NEK11: variants seen among roughly 807,000 people sequenced by gnomAD.
NEK11 encodes serine/threonine-protein kinase Nek11.
Under a neutral mutation model 80.7 loss-of-function variants are expected in NEK11, and 72 were observed. The observed-to-expected ratio is 0.89, with a 90% CI of 0.74 to 1.08. The LOEUF (loss-of-function observed/expected upper bound fraction) is 1.08, where lower values mean the gene tolerates loss of function less well. Ranked by LOEUF, NEK11 falls within the 50% of genes least tolerant of loss-of-function variation. The pLI, the probability that NEK11 is intolerant of heterozygous loss-of-function variation, is 0.00. For missense variants in NEK11, 764 were observed against 763.6 expected, an observed-to-expected ratio of 1.00 and a Z score of -0.01; for synonymous variants, 251 against 260.7, an observed-to-expected ratio of 0.96 and a Z score of 0.36.
chr3:131,077,995 C>CA (rs760464528), intron 3 of NEK11, among the ~76,000 whole-genome samples: 42 of 152,320 alleles, frequency 2.8e-4, no homozygotes, highest in Non-Finnish European at 4.4e-4. Flanking sequence ...GGAAGGAAGA[C>CA]AAGTGTTCCA....
At chr3:131,131,132 C>G (rs941343262) in intron 5 of NEK11, among the ~76,000 whole-genome samples, 2 of 152,184 alleles carry the variant, frequency 1.3e-5, no homozygotes, top group African/African-American at 2.4e-5. Flanking sequence ...GCTAATATTT[C>G]AGTGAGGATT....
chr3:131,243,959 G>A (rs1227420944), intron 16 of NEK11, among the ~76,000 whole-genome samples: 1 of 151,908 alleles, frequency 6.6e-6, no homozygotes, highest in Non-Finnish European at 1.5e-5. Flanking sequence ...AAATAGGATT[G>A]CTATGCTTCA....
chr3:131,273,922 T>C (rs1205628648), intron 17 of NEK11, among the ~76,000 whole-genome samples: 1 of 152,102 alleles, frequency 6.6e-6, no homozygotes, highest in East Asian at 1.9e-4. Flanking sequence ...TATATACTTA[T>C]TGTTTTCTAG....
chr3:131,152,200 T>C (rs920365802), intron 7 of NEK11, among the ~76,000 whole-genome samples, 188 bp from the exon 8 acceptor site: 8 of 151,962 alleles, frequency 5.3e-5, no homozygotes, highest in South Asian at 4.1e-4. Context: ...TTCACTTTTT[T>C]GGTTTTTTTT....
chr3:131,204,325 C>T (rs2094375898), intron 14 of NEK11, among the ~76,000 whole-genome samples: 1 of 152,116 alleles, frequency 6.6e-6, no homozygotes, highest in Non-Finnish European at 1.5e-5. Flanking sequence ...ATCAGTGTTT[C>T]CCTGAGTTCT....
intron 14 of NEK11, among the ~76,000 whole-genome samples, chr3:131,190,927 T>C (rs1382253237): frequency 6.6e-6 from 1 of 152,154 alleles, no homozygotes; most frequent in Non-Finnish European, 1.5e-5. Context: ...AGCCTTAGTG[T>C]ACAGACTTCT....
At chr3:131,043,604 T>C (rs184292519) in intron 3 of NEK11, among the ~76,000 whole-genome samples, 2 of 152,328 alleles carry the variant, frequency 1.3e-5, no homozygotes, top group Non-Finnish European at 2.9e-5. Flanking sequence ...TCAAGAAATA[T>C]GGGACTATGT....
intron 12 of NEK11, among the ~76,000 whole-genome samples, chr3:131,166,382 T>C (rs1470432152): frequency 6.6e-6 from 1 of 152,244 alleles, no homozygotes; most frequent in Non-Finnish European, 1.5e-5. Flanking sequence ...AGTTATCAGA[T>C]GGCTCCAAGC....
At chr3:131,333,011 G>A (rs1463386839) in intron 17 of NEK11, among the ~76,000 whole-genome samples, 13 of 152,108 alleles carry the variant, frequency 8.5e-5, no homozygotes, top group Non-Finnish European at 1.2e-4. Context: ...TGAAAGTGAC[G>A]GGGAGAATGG....
chr3:131,115,996 C>A (rs866186939), intron 5 of NEK11, among the ~76,000 whole-genome samples: 51 of 99,660 alleles, frequency 5.1e-4, no homozygotes, highest in African/African-American at 1.8e-3. Flanking sequence ...CTTTATTATA[C>A]TTTAAGTTCT....
At chr3:131,270,503 A>G (rs1217121605) in intron 16 of NEK11, among the ~76,000 whole-genome samples, 1 of 152,222 alleles carries the variant, frequency 6.6e-6, no homozygotes, top group East Asian at 1.9e-4. Flanking sequence ...CACCTATTGG[A>G]TGACATCTAT....
intron 17 of NEK11, among the ~76,000 whole-genome samples, chr3:131,340,639 T>G (rs1177986885): frequency 6.6e-6 from 1 of 152,156 alleles, no homozygotes; most frequent in Non-Finnish European, 1.5e-5. Flanking sequence ...AAACACGTAT[T>G]CGGGATGTGA....
intron 4 of NEK11, among the ~76,000 whole-genome samples, chr3:131,102,646 T>G (rs2078566546): frequency 6.6e-6 from 1 of 152,206 alleles, no homozygotes; most frequent in Non-Finnish European, 1.5e-5. Flanking sequence ...GATGACTATG[T>G]GCCTTGGGGA....
intron 17 of NEK11, among the ~76,000 whole-genome samples, chr3:131,295,843 T>G (rs968431957): frequency 2.6e-5 from 4 of 152,178 alleles, no homozygotes; most frequent in Non-Finnish European, 5.9e-5. Flanking sequence ...CTTTTTAAAT[T>G]AAATTTAAAT....
intron 17 of NEK11, among the ~76,000 whole-genome samples, chr3:131,298,688 AGGTGGTGGT>A (rs1019957752): frequency 2.0e-5 from 3 of 149,832 alleles, no homozygotes; most frequent in Non-Finnish European, 3.0e-5. Context: ...TAATATGCCT[AGGTGGTGGT>A]GGTGGTGGTG....
chr3:131,220,374 G>C (rs2094979478), intron 14 of NEK11, among the ~76,000 whole-genome samples: 1 of 151,886 alleles, frequency 6.6e-6, no homozygotes, highest in African/African-American at 2.4e-5. Context: ...AATTTGAGCA[G>C]TTTTTCACAC....
At chr3:131,289,125 G>A (rs553891965) in intron 17 of NEK11, among the ~76,000 whole-genome samples, 1 of 152,348 alleles carries the variant, frequency 6.6e-6, no homozygotes, top group East Asian at 1.9e-4. Context: ...CAAGGTGCCA[G>A]CAGGTTTGGT....
intron 17 of NEK11, among the ~76,000 whole-genome samples, chr3:131,295,758 A>T (rs2096586690): frequency 6.6e-6 from 1 of 152,162 alleles, no homozygotes; most frequent in African/African-American, 2.4e-5. Flanking sequence ...CCTTTCTAAC[A>T]TATCAGTTAT....
intron 16 of NEK11, among the ~76,000 whole-genome samples, chr3:131,254,085 C>T (rs530863853): frequency 9.2e-5 from 14 of 152,184 alleles, no homozygotes; most frequent in South Asian, 4.2e-4. Context: ...CTGTTGCGTT[C>T]TTTGGAGTTT....
Sources: allele counts gnomAD v4.1 joint callset (sites outside exome capture counted in the v4.1 genomes callset), GRCh38; gene constraint gnomAD v4.1.1; transcripts MANE v1.5; gene names NCBI Gene and HGNC (gene_info 2026-07-23, HGNC 2026-07-21).